The following RAD50 variants were observed in gnomAD, a reference collection of about 807,000 sequenced individuals.
RAD50 encodes the protein RAD50 double strand break repair protein.
A neutral mutation model predicts 168.8 loss-of-function variants in RAD50; 132 were observed. That is an observed-to-expected ratio of 0.78 (90% CI 0.68 to 0.90). The LOEUF is 0.90. Among genes scored for constraint, RAD50 ranks in the 40% least tolerant of loss-of-function variants. The pLI is 0.00. For synonymous variants in RAD50, 525 were observed against 497.4 expected (o/e 1.06, Z -0.74); for missense variants, 1,347 against 1,534.4 (o/e 0.88, Z 2.04).
chr5:132,611,157 A>C (rs1409616843), intron 19 of RAD50, among the ~76,000 whole-genome samples: 1 of 152,112 alleles, frequency 6.6e-6, no homozygotes. Flanking sequence ...TTGGGAGGCC[A>C]AGGCAGACGG....
chr5:132,608,558 C>T (rs1415781216), intron 16 of RAD50, 57 bp from the exon 17 acceptor site: 13 of 1,395,154 alleles, frequency 9.3e-6, no homozygotes, highest in Non-Finnish European at 1.3e-5. Context: ...TGAAGTCTGA[C>T]CCCTAAAGTA....
At chr5:132,640,403 T>C (rs930726022) in intron 23 of RAD50, among the ~76,000 whole-genome samples, 9 of 152,250 alleles carry the variant, frequency 5.9e-5, no homozygotes, top group African/African-American at 2.2e-4. Flanking sequence ...TGGTTGTAGC[T>C]GATGTAATTT....
intron 19 of RAD50, among the ~76,000 whole-genome samples, chr5:132,615,732 A>C (rs1428303748): frequency 6.6e-6 from 1 of 152,240 alleles, no homozygotes; most frequent in Non-Finnish European, 1.5e-5. Flanking sequence ...ACTCCCCATC[A>C]AACAGTAGAC....
At chr5:132,637,283 A>G (rs1363474456) in intron 22 of RAD50, 83 bp downstream of exon 22, 1 of 1,547,720 alleles carries the variant, frequency 6.5e-7, no homozygotes, top group Admixed American at 1.7e-5. Flanking sequence ...TCATGCCAGC[A>G]TTACCTCCCT....
At chr5:132,608,029 G>A (rs895067083) in intron 16 of RAD50, among the ~76,000 whole-genome samples, 11 of 152,178 alleles carry the variant, frequency 7.2e-5, no homozygotes, top group Admixed American at 2.0e-4. Flanking sequence ...TGAAAGCCCC[G>A]TTCCTTCCAA....
At chr5:132,583,861 T>C (rs557392222) in intron 5 of RAD50, among the ~76,000 whole-genome samples, 1 of 151,508 alleles carries the variant, frequency 6.6e-6, no homozygotes, top group East Asian at 1.9e-4. Flanking sequence ...ACCCAGCTAA[T>C]TTTTTTTGTA....
At position 132,616,116 on chromosome 5, in the gene RAD50, T is replaced by G. The variant is rs1365450360; in HGVS notation, c.3150T>G (p.Val1050=). The part of the protein sequence containing the change: ...QHLKEMGQMQ[V]LQMKSEHQKL... The stretch of plus-strand genomic sequence containing the variant: ...TGAAGGAAATGGGTCAAATGCAGGT[T>G]TTGCAAATGAAAAGGTATGCTTTTA... Residue 1050 remains valine (V), a synonymous_variant, in exon 20 of 25, where the codon GTT becomes GTG. Transcript: ENST00000378823. 2 of 1,612,954 alleles carry G rather than the reference T, an allele frequency of 1.2e-6. No homozygotes were observed. The highest frequency in any genetic ancestry group is 2.2e-5 in the East Asian group (1 of 44,788).
chr5:132,580,454 G>A (rs1750485660), intron 5 of RAD50, among the ~76,000 whole-genome samples: 1 of 152,132 alleles, frequency 6.6e-6, no homozygotes, highest in Non-Finnish European at 1.5e-5. Flanking sequence ...CAAATTTGTA[G>A]CATCACACTA....
chr5:132,615,858 T>A lies in RAD50; in HGVS notation c.3037-145T>A. On this transcript the variant is annotated intron_variant, in intron 19 of 24. Transcript: ENST00000378823. ...AGATTGCCCCAGACCTGTAGATTCCTTCACACTGGCTTATTCTCCCTCTGT... is the reference window on the plus strand; with the variant it reads ...AGATTGCCCCAGACCTGTAGATTCCATCACACTGGCTTATTCTCCCTCTGT... 2.3e-5 allele frequency: 19 copies of A among 824,160 alleles called. 1 individual carries two copies. In the South Asian group the frequency reaches 3.0e-4, roughly 13 times the overall value. 51.1% of individuals were successfully genotyped at this position (824,160 alleles called of 1,614,324 possible).
In RAD50 at chr5:132,644,137, A is replaced by G. The variant is rs1282042797; in HGVS notation, c.*1773A>G. 5.4e-6 allele frequency: 1 copy of G among 186,696 alleles called. No homozygotes were observed. Among genetic ancestry groups the G allele is most frequent in the African/African-American group, 2.3e-5 (1 of 42,902 alleles). The allele number at this position is 186,696 out of a possible 1,614,324, so 11.6% of individuals were successfully genotyped here. The stretch of plus-strand genomic sequence containing the variant: ...AGAATAACAAAGGCAATACACGATC[A>G]ATATAGGCAGTGAAACAAAAGTATC... On this transcript the variant is annotated 3_prime_UTR_variant, in exon 25 of 25. Transcript: ENST00000378823.
intron 21 of RAD50, among the ~76,000 whole-genome samples, chr5:132,623,410 A>G (rs1345551679): frequency 1.3e-5 from 2 of 152,152 alleles, no homozygotes; most frequent in African/African-American, 4.8e-5. Context: ...TGAACTGGGA[A>G]GTAGAGGTTG....
intron 2 of RAD50, among the ~76,000 whole-genome samples, chr5:132,570,437 A>G (rs1750282215): frequency 6.6e-6 from 1 of 152,252 alleles, no homozygotes; most frequent in South Asian, 2.1e-4. Flanking sequence ...TAGTGTAGCT[A>G]CCTTCATCAA....
intron 5 of RAD50, among the ~76,000 whole-genome samples, chr5:132,582,885 A>T (rs1750526991): frequency 6.6e-6 from 1 of 152,158 alleles, no homozygotes; most frequent in African/African-American, 2.4e-5. Flanking sequence ...CTGAGATTAG[A>T]ACCAAAACAC....
At chr5:132,630,763 G>A (rs1410280176) in intron 21 of RAD50, 1 of 152,244 alleles carries the variant, frequency 6.6e-6, no homozygotes, top group Non-Finnish European at 1.5e-5. Context: ...GGGTGTCCAA[G>A]GGAGAGAATC....
intron 1 of RAD50, among the ~76,000 whole-genome samples, chr5:132,558,718 CA>C (rs35515008): frequency 0.44 from 36,837 of 83,192 alleles, 3,358 homozygotes; most frequent in Middle Eastern, 0.62. Flanking sequence ...TCTCCCCCCA[CA>C]AAAAAAAAAA....
chr5:132,566,475 C>T (rs1322207857), intron 2 of RAD50, among the ~76,000 whole-genome samples: 2 of 152,184 alleles, frequency 1.3e-5, no homozygotes, highest in Non-Finnish European at 2.9e-5. Context: ...CCTCTGGCCA[C>T]CTCCTCATTG....
Position 132,557,260 on chromosome 5 carries a change from G to T in RAD50, c.-65G>T. 6.3e-7 allele frequency: 1 copy of T among 1,587,094 alleles called. No homozygotes were observed. The highest frequency in any genetic ancestry group is 1.1e-5 in the South Asian group (1 of 90,422). ...GGGTCTCACGTCCCGTGCACGCCTT[G>T]CTTCGGCCTCAGTTAAGCCTTTGTG... On this transcript the variant is annotated 5_prime_UTR_variant, in exon 1 of 25. Transcript: ENST00000378823.
rs534246849 is a variant in RAD50, at chr5:132,602,453, T to C, written c.2208-847T>C. ...TCAGTACCTGCCATGGAGGTGGTAA[T>C]TCATTAGCTACAGTAGTGAGTACCA... On this transcript the variant is annotated intron_variant, in intron 13 of 24. Coordinates refer to ENST00000378823, the MANE Select transcript of RAD50 (RefSeq NM_005732.4). Among the ~76,000 whole-genome samples, 5 of 152,326 alleles carry C rather than the reference T, an allele frequency of 3.3e-5. No homozygotes were observed. In the East Asian group the frequency reaches 9.6e-4, roughly 29 times the overall value.
chr5:132,595,120 G>A, intron 12 of RAD50, 76 bp downstream of exon 12: 1 of 1,474,312 alleles, frequency 6.8e-7, no homozygotes, highest in East Asian at 2.3e-5. Context: ...GTTAAGGATG[G>A]GGAATTTAAA....
Sources: gnomAD v4.1 joint callset for allele counts (sites outside exome capture counted in the v4.1 genomes callset) on GRCh38, gnomAD v4.1.1 for gene constraint, MANE v1.5 for transcripts, NCBI Gene and HGNC (gene_info 2026-07-23, HGNC 2026-07-21) for gene names.